CNBD1: variants seen among roughly 807,000 people sequenced by gnomAD.
The protein encoded by CNBD1 is cyclic nucleotide binding domain containing 1, also known as cyclic nucleotide-binding domain-containing protein 1.
Under a neutral mutation model 54.4 loss-of-function variants are expected in CNBD1, and 71 were observed. That is an observed-to-expected ratio of 1.30 (90% CI 1.08 to 1.59). The LOEUF is 1.59. Among genes scored for constraint, CNBD1 ranks in the 40% most tolerant of loss-of-function variants. The probability of loss-of-function intolerance (pLI) is 0.00; values close to 1 mark genes in which losing one functional copy is unlikely to be tolerated. For missense variants in CNBD1, 659 were observed against 518.0 expected (o/e 1.27, Z -2.64); for synonymous variants, 182 against 170.7 (o/e 1.07, Z -0.51).
chr8:87,025,838 C>A (rs1027911334), intron 4 of CNBD1, among the ~76,000 whole-genome samples: 2 of 152,132 alleles, frequency 1.3e-5, no homozygotes, highest in South Asian at 2.1e-4. Context: ...CGACTGTCTG[C>A]GGCTTCATTC....
chr8:87,237,371 T>A (rs1586354105), intron 6 of CNBD1: 2 of 283,048 alleles, frequency 7.1e-6, no homozygotes, highest in Admixed American at 5.1e-5. Flanking sequence ...TGTGGCTGGA[T>A]CCCTGAAAGA....
chr8:86,958,215 C>G (rs188346486), intron 4 of CNBD1, among the ~76,000 whole-genome samples: 1 of 152,136 alleles, frequency 6.6e-6, no homozygotes, highest in Non-Finnish European at 1.5e-5. Flanking sequence ...AATTTCTGTT[C>G]TTTTACATTT....
chr8:87,406,035 A>G (rs1401315852), intron 2 of CNBD1, among the ~76,000 whole-genome samples: 2 of 152,148 alleles, frequency 1.3e-5, no homozygotes, highest in African/African-American at 4.8e-5. Context: ...ATATTGAAGC[A>G]GAGCTTGTTC....
intron 6 of CNBD1, among the ~76,000 whole-genome samples, chr8:87,248,807 G>C (rs1334750280): frequency 6.6e-6 from 1 of 152,002 alleles, no homozygotes; most frequent in Non-Finnish European, 1.5e-5. Context: ...TACTCATTTT[G>C]GCTATGGTTA....
intron 5 of CNBD1, among the ~76,000 whole-genome samples, chr8:87,218,930 T>A (rs965855149): frequency 6.6e-6 from 1 of 151,984 alleles, no homozygotes; most frequent in African/African-American, 2.4e-5. Flanking sequence ...TGTATTTTTG[T>A]ATGCTCACAA....
intron 2 of CNBD1, among the ~76,000 whole-genome samples, chr8:87,420,823 C>A (rs1478523635): frequency 6.6e-6 from 1 of 150,810 alleles, no homozygotes; most frequent in South Asian, 2.1e-4. Flanking sequence ...AAATTAACCT[C>A]ATTAATTCAT....
chr8:87,321,337 T>C (rs1809523371), intron 8 of CNBD1, among the ~76,000 whole-genome samples: 1 of 152,182 alleles, frequency 6.6e-6, no homozygotes, highest in South Asian at 2.1e-4. Context: ...CTTACCAATT[T>C]GTAGTTTTCT....
At chr8:86,976,192 T>TTG (rs1808337893) in intron 4 of CNBD1, among the ~76,000 whole-genome samples, 1 of 68,832 alleles carries the variant, frequency 1.5e-5, no homozygotes, top group Admixed American at 1.3e-4. Flanking sequence ...TTGACCTTTT[T>TTG]TTTTTTTTTT....
chr8:87,119,815 T>G (rs1811853944), intron 4 of CNBD1, among the ~76,000 whole-genome samples: 1 of 152,134 alleles, frequency 6.6e-6, no homozygotes, highest in Admixed American at 6.5e-5. Flanking sequence ...TTTCAAATGC[T>G]TTTTCTTTAT....
chr8:86,893,330 A>C (rs774442846), intron 2 of CNBD1, among the ~76,000 whole-genome samples: 4 of 152,206 alleles, frequency 2.6e-5, no homozygotes, highest in Admixed American at 6.5e-5. Flanking sequence ...AAATGTATAC[A>C]CATTTATAGT....
chr8:87,093,876 T>C (rs1410709300), intron 4 of CNBD1, among the ~76,000 whole-genome samples: 1 of 152,154 alleles, frequency 6.6e-6, no homozygotes, highest in Admixed American at 6.5e-5. Flanking sequence ...TTAGGTCAAT[T>C]CCTCTGTTAG....
chr8:87,329,567 T>C (rs543650140), intron 8 of CNBD1, among the ~76,000 whole-genome samples: 22 of 152,268 alleles, frequency 1.4e-4, no homozygotes, highest in South Asian at 6.2e-4. Context: ...AGTACTTCTT[T>C]GATATATTTT....
intron 4 of CNBD1, among the ~76,000 whole-genome samples, chr8:87,087,291 A>ATATATATACGTATATATATATATATT (rs1469518420): frequency 1.6e-4 from 24 of 146,152 alleles, no homozygotes; most frequent in African/African-American, 6.0e-4. Context: ...ATATATATAT[A>ATATATATACGTATATATATATATATT]TTTTTTATTG....
At chr8:87,362,062 T>C (rs1238554051) in intron 10 of CNBD1, among the ~76,000 whole-genome samples, 1 of 152,050 alleles carries the variant, frequency 6.6e-6, no homozygotes, top group African/African-American at 2.4e-5. Flanking sequence ...TGACAAACCA[T>C]GAAAACAATT....
At chr8:86,901,584 A>G (rs988273803) in intron 2 of CNBD1, among the ~76,000 whole-genome samples, 1 of 152,112 alleles carries the variant, frequency 6.6e-6, no homozygotes, top group African/African-American at 2.4e-5. Context: ...GCACAATATA[A>G]TTTTATTTCT....
chr8:87,386,321 A>C (rs1242700800), downstream of CNBD1, among the ~76,000 whole-genome samples: 2 of 152,160 alleles, frequency 1.3e-5, no homozygotes, highest in East Asian at 3.9e-4. Flanking sequence ...CTCCGAGCTA[A>C]AGCAGGAAGT....
intron 4 of CNBD1, among the ~76,000 whole-genome samples, chr8:86,988,580 A>G (rs1808664449): frequency 1.3e-5 from 2 of 152,114 alleles, no homozygotes; most frequent in South Asian, 4.1e-4. Context: ...ACAATAAATT[A>G]TTGTTGACTG....
chr8:87,342,192 G>T (rs1810079049), intron 8 of CNBD1, among the ~76,000 whole-genome samples: 1 of 150,710 alleles, frequency 6.6e-6, no homozygotes, highest in Non-Finnish European at 1.5e-5. Flanking sequence ...AGAATGGCCA[G>T]AACCCAGGAG....
At chr8:87,150,345 T>C (rs1812579506) in intron 4 of CNBD1, among the ~76,000 whole-genome samples, 1 of 152,170 alleles carries the variant, frequency 6.6e-6, no homozygotes, top group Admixed American at 6.5e-5. Context: ...GGCTTTTCAC[T>C]GCTGTTGAAG....
Sources: allele counts gnomAD v4.1 joint callset (sites outside exome capture counted in the v4.1 genomes callset), GRCh38; gene constraint gnomAD v4.1.1; transcripts MANE v1.5; gene names NCBI Gene and HGNC (gene_info 2026-07-23, HGNC 2026-07-21).